CFAP61: variants seen among roughly 807,000 people sequenced by gnomAD.
CFAP61 encodes the protein cilia- and flagella-associated protein 61.
A neutral mutation model predicts 135.6 loss-of-function variants in CFAP61; 107 were observed. The ratio of observed to expected loss-of-function variants is 0.79; its 90% CI spans 0.67 to 0.93. CFAP61 has a LOEUF of 0.93. Ranked by LOEUF, CFAP61 falls within the 40% of genes least tolerant of loss-of-function variation. The probability of loss-of-function intolerance (pLI) is 0.00; values close to 1 mark genes in which losing one functional copy is unlikely to be tolerated. For synonymous variants in CFAP61, 575 were observed against 578.5 expected (o/e 0.99, Z 0.09); for missense variants, 1,507 against 1,556.2 (o/e 0.97, Z 0.53).
chr20:20,171,963 G>T (rs1480723504), intron 13 of CFAP61: 3 of 473,216 alleles, frequency 6.3e-6, no homozygotes, highest in Non-Finnish European at 1.1e-5. Context: ...AAGAGGGGAA[G>T]CACTTTCCTC....
intron 8 of CFAP61, among the ~76,000 whole-genome samples, chr20:20,125,123 A>G (rs1047348508): frequency 1.3e-5 from 2 of 151,566 alleles, no homozygotes; most frequent in African/African-American, 4.9e-5. Flanking sequence ...TTTCTTGGTT[A>G]ATCTTGCTAA....
chr20:20,098,734 G>A lies in CFAP61; in HGVS notation c.779G>A (p.Gly260Asp). ...CTGCTGCATGAGTGCTTTGACTTGG[G>A]CCCTTTCCACGGACTCTGTTTCCCA... ...MQLLHECFDL[G>D]PFHGLCFPHP... is the part of the protein sequence containing the mutation. Residue 260 changes from glycine to aspartate, a missense_variant, in exon 8 of 27, where the codon GGC becomes GAC. Transcript: ENST00000245957. The A allele has an allele frequency of 6.2e-7, 1 of 1,613,986 alleles. No individual in the cohort carries two copies. The highest frequency in any genetic ancestry group is 8.5e-7 in the Non-Finnish European group (1 of 1,179,970).
At chr20:20,164,297 A>G in intron 11 of CFAP61, 69 bp downstream of exon 11, 1 of 1,469,250 alleles carries the variant, frequency 6.8e-7, no homozygotes, top group Non-Finnish European at 9.2e-7. Flanking sequence ...CCAACATTTT[A>G]ACTTTACAGA....
intron 25 of CFAP61, among the ~76,000 whole-genome samples, chr20:20,303,763 C>A (rs2056254052): frequency 1.3e-5 from 2 of 152,210 alleles, no homozygotes; most frequent in South Asian, 4.1e-4. Flanking sequence ...GCACTTCCAT[C>A]CACCACGTCT....
intron 18 of CFAP61, among the ~76,000 whole-genome samples, chr20:20,241,880 TG>T (rs1334951503): frequency 6.6e-6 from 1 of 152,184 alleles, no homozygotes; most frequent in East Asian, 1.9e-4. Context: ...CATAAGTAGC[TG>T]GGTTAATTGT....
At chr20:20,062,113 A>G (rs6081853) in intron 2 of CFAP61, among the ~76,000 whole-genome samples, 73,070 of 151,974 alleles carry the variant, frequency 0.48, 18,385 homozygotes, top group Non-Finnish European at 0.55. Context: ...GTGTGTGCCT[A>G]CATGGAGGAG....
chr20:20,107,231 A>G (rs979157277), intron 8 of CFAP61, among the ~76,000 whole-genome samples: 1 of 152,222 alleles, frequency 6.6e-6, no homozygotes, highest in African/African-American at 2.4e-5. Context: ...GTTTTTGCAC[A>G]TGGCAACAAA....
intron 6 of CFAP61, among the ~76,000 whole-genome samples, chr20:20,084,014 G>A (rs1461997248): frequency 6.6e-6 from 1 of 151,278 alleles, no homozygotes; most frequent in Non-Finnish European, 1.5e-5. Context: ...GGTCACAAGA[G>A]ATCTTGAAAA....
chr20:20,115,750 T>C (rs900066891), intron 8 of CFAP61, among the ~76,000 whole-genome samples: 15 of 152,324 alleles, frequency 9.8e-5, no homozygotes, highest in East Asian at 9.7e-4. Flanking sequence ...ATTCTATCCA[T>C]GTTGTTGCAA....
At chr20:20,105,511 A>G (rs1028647886) in intron 8 of CFAP61, among the ~76,000 whole-genome samples, 2 of 152,106 alleles carry the variant, frequency 1.3e-5, no homozygotes, top group East Asian at 1.9e-4. Context: ...TGGTTCTTTG[A>G]TGCCTGTACT....
intron 22 of CFAP61, among the ~76,000 whole-genome samples, chr20:20,280,852 C>A (rs905570294): frequency 2.6e-5 from 4 of 152,138 alleles, no homozygotes; most frequent in Non-Finnish European, 5.9e-5. Context: ...TATGAGAGTT[C>A]CAGATACTCC....
At chr20:20,059,931 A>G (rs1453853855) in intron 2 of CFAP61, among the ~76,000 whole-genome samples, 2 of 152,220 alleles carry the variant, frequency 1.3e-5, no homozygotes, top group Non-Finnish European at 2.9e-5. Context: ...AGAGTTTTTC[A>G]GAATTGTTGG....
intron 13 of CFAP61, among the ~76,000 whole-genome samples, chr20:20,180,428 A>T (rs2054977967): frequency 6.6e-6 from 1 of 152,168 alleles, no homozygotes; most frequent in Non-Finnish European, 1.5e-5. Flanking sequence ...GCTCTACCTC[A>T]CTGATCATTA....
intron 13 of CFAP61, among the ~76,000 whole-genome samples, chr20:20,177,984 G>T (rs1395708546): frequency 2.0e-5 from 3 of 152,124 alleles, no homozygotes; most frequent in African/African-American, 7.2e-5. Flanking sequence ...GGGATGAATT[G>T]TTTCTGCTCT....
intron 17 of CFAP61, among the ~76,000 whole-genome samples, chr20:20,200,418 C>A (rs979630569): frequency 4.6e-5 from 7 of 152,134 alleles, no homozygotes; most frequent in Non-Finnish European, 1.0e-4. Context: ...TGCCCTGGGG[C>A]AGCAGGAGTT....
At chr20:20,205,530 A>C (rs527873209) in intron 17 of CFAP61, among the ~76,000 whole-genome samples, 1 of 152,234 alleles carries the variant, frequency 6.6e-6, no homozygotes, top group Non-Finnish European at 1.5e-5. Flanking sequence ...CTTGATACAG[A>C]TCTTGTTGAA....
rs552698249 is a variant in CFAP61, at chr20:20,333,788, A to C, written c.3423-8043A>C. On this transcript the variant is annotated intron_variant, in intron 25 of 26. Transcript: ENST00000245957. ...TGGCAGGGAATTTCTGGTCCCGTCC[A>C]GAGCAAATGTGACCTGATGAAGGCA... Among the ~76,000 whole-genome samples the C allele has an allele frequency of 7.9e-5, 12 of 152,356 alleles. No homozygotes were observed. In the East Asian group the frequency reaches 1.9e-3, roughly 25 times the overall value.
chr20:20,277,364 C>T lies in CFAP61; in HGVS notation c.2702C>T (p.Ala901Val), dbSNP rs775249537. The part of the protein sequence containing the change: ...GAAGVTMYRD[A>V]ILAQWNDGLH... ...GCCGGAGTCACTATGTACCGGGATGCGATCCTGGCCCAGTGGAATGACGGC... is the reference window on the plus strand; with the variant it reads ...GCCGGAGTCACTATGTACCGGGATGTGATCCTGGCCCAGTGGAATGACGGC... Residue 901 changes from alanine to valine, a missense_variant, in exon 22 of 27, where the codon GCG becomes GTG. Coordinates refer to ENST00000245957, the MANE Select transcript of CFAP61 (RefSeq NM_015585.4). 2.5e-6 allele frequency: 4 copies of T among 1,614,152 alleles called. No homozygotes were observed. Among genetic ancestry groups the T allele is most frequent in the Non-Finnish European group, 2.5e-6 (3 of 1,180,018 alleles).
intron 6 of CFAP61, among the ~76,000 whole-genome samples, chr20:20,084,089 G>T (rs2046623959): frequency 6.6e-6 from 1 of 152,116 alleles, no homozygotes; most frequent in African/African-American, 2.4e-5. Context: ...CCGATCTTAG[G>T]TTCTCCTACC....
Sources: gnomAD v4.1 joint callset for allele counts (sites outside exome capture counted in the v4.1 genomes callset) on GRCh38, gnomAD v4.1.1 for gene constraint, MANE v1.5 for transcripts, NCBI Gene and HGNC (gene_info 2026-07-23, HGNC 2026-07-21) for gene names.